The following PRKG1 variants were observed in gnomAD, a reference collection of about 807,000 sequenced individuals.
PRKG1 encodes protein kinase cGMP-dependent 1.
Under a neutral mutation model 88.1 loss-of-function variants are expected in PRKG1, and 35 were observed. That is an observed-to-expected ratio of 0.40 (90% CI 0.30 to 0.53). The LOEUF (loss-of-function observed/expected upper bound fraction) is 0.53, where lower values mean the gene tolerates loss of function less well. Among genes scored for constraint, PRKG1 ranks in the 20% least tolerant of loss-of-function variants. The pLI, the probability that PRKG1 is intolerant of heterozygous loss-of-function variation, is 0.59. For synonymous variants in PRKG1, 303 were observed against 292.5 expected (o/e 1.04, Z -0.37); for missense variants, 540 against 839.8 (o/e 0.64, Z 4.41).
intron 3 of PRKG1, among the ~76,000 whole-genome samples, chr10:51,591,026 A>G (rs945278685): frequency 1.3e-5 from 2 of 152,210 alleles, no homozygotes; most frequent in African/African-American, 2.4e-5. Flanking sequence ...TCAGATGGTA[A>G]ATAGTTTAAC....
intron 2 of PRKG1, among the ~76,000 whole-genome samples, chr10:51,170,543 A>G (rs9414846): frequency 0.065 from 9,935 of 151,734 alleles, 686 homozygotes; most frequent in African/African-American, 0.17. Flanking sequence ...ATGGGGAAGG[A>G]ATTGCTATGT....
In PRKG1 at chr10:51,796,270, T is replaced by A. The variant is rs549419344; in HGVS notation, c.593-8315T>A. Among the ~76,000 whole-genome samples the A allele has an allele frequency of 3.1e-4, 47 of 152,224 alleles. 1 individual carries two copies. The Middle Eastern group carries it at 0.017, about 55-fold the overall frequency. On this transcript the variant is annotated intron_variant, in intron 3 of 17. Transcript: ENST00000373980. ...GTTATATAAGCAATATATATAATTT[T>A]ATATTTTCTGGTGATAACATTAAAA...
intron 5 of PRKG1, among the ~76,000 whole-genome samples, chr10:51,971,535 T>C (rs894295403): frequency 6.6e-6 from 1 of 152,110 alleles, no homozygotes; most frequent in Non-Finnish European, 1.5e-5. Flanking sequence ...TGTCAAAATA[T>C]TTTGAGCACT....
At chr10:51,740,356 G>A (rs1837401167) in intron 3 of PRKG1, among the ~76,000 whole-genome samples, 1 of 152,120 alleles carries the variant, frequency 6.6e-6, no homozygotes, top group African/African-American at 2.4e-5. Flanking sequence ...GTGGGTTATA[G>A]CTATTGCTAT....
At chr10:52,239,891 G>C (rs1464655592) in intron 9 of PRKG1, among the ~76,000 whole-genome samples, 2 of 152,154 alleles carry the variant, frequency 1.3e-5, no homozygotes, top group East Asian at 3.8e-4. Context: ...TCACTCCTGT[G>C]ATTTGTGGGA....
At chr10:52,255,675 A>G (rs1841290565) in intron 10 of PRKG1, among the ~76,000 whole-genome samples, 1 of 152,000 alleles carries the variant, frequency 6.6e-6, no homozygotes, top group Non-Finnish European at 1.5e-5. Flanking sequence ...CATGTAAACT[A>G]ATAAACTCAT....
chr10:52,178,768 GT>G (rs1323132394), intron 9 of PRKG1, among the ~76,000 whole-genome samples: 1 of 151,978 alleles, frequency 6.6e-6, no homozygotes, highest in Non-Finnish European at 1.5e-5. Context: ...TCTGTTTGGA[GT>G]TTATGACTTA....
chr10:51,363,243 C>T (rs1842521802), intron 2 of PRKG1, among the ~76,000 whole-genome samples: 1 of 151,752 alleles, frequency 6.6e-6, no homozygotes, highest in Non-Finnish European at 1.5e-5. Context: ...TCTCGCACTC[C>T]ATCAAAAGTA....
chr10:51,876,225 C>T (rs1434135043), intron 4 of PRKG1, among the ~76,000 whole-genome samples: 1 of 148,648 alleles, frequency 6.7e-6, no homozygotes, highest in East Asian at 1.9e-4. Context: ...ATTTGTGTTA[C>T]ACACACACAC....
chr10:51,878,429 A>G (rs115511464), intron 4 of PRKG1, among the ~76,000 whole-genome samples: 2,951 of 152,294 alleles, frequency 0.019, 80 homozygotes, highest in African/African-American at 0.066. Context: ...GGATAACATC[A>G]GTCTAGAAAG....
At chr10:51,641,159 G>GA (rs1829323974) in intron 3 of PRKG1, among the ~76,000 whole-genome samples, 1 of 152,100 alleles carries the variant, frequency 6.6e-6, no homozygotes, top group South Asian at 2.1e-4. Context: ...AAATTATCCT[G>GA]GGTTAGCATC....
chr10:51,451,605 G>A (rs1839440618), intron 2 of PRKG1, among the ~76,000 whole-genome samples: 2 of 151,972 alleles, frequency 1.3e-5, no homozygotes, highest in South Asian at 2.1e-4. Flanking sequence ...TTAACAGGGG[G>A]ATACTTTATC....
At chr10:51,989,352 T>A (rs1012531736) in intron 5 of PRKG1, among the ~76,000 whole-genome samples, 1 of 151,960 alleles carries the variant, frequency 6.6e-6, no homozygotes, top group African/African-American at 2.4e-5. Flanking sequence ...TCATCAAAGA[T>A]CTATTCATTT....
chr10:51,552,696 A>T (rs966039467), intron 3 of PRKG1, among the ~76,000 whole-genome samples: 3 of 151,680 alleles, frequency 2.0e-5, no homozygotes, highest in African/African-American at 7.2e-5. Flanking sequence ...GCAGTCATCA[A>T]TTAGAAGCTG....
At chr10:52,237,928 G>A (rs1455155972) in intron 9 of PRKG1, among the ~76,000 whole-genome samples, 1 of 138,502 alleles carries the variant, frequency 7.2e-6, no homozygotes, top group East Asian at 2.1e-4. Flanking sequence ...TATACTGCAA[G>A]GCTACAGTAA....
intron 4 of PRKG1, among the ~76,000 whole-genome samples, chr10:51,891,489 G>A (rs1841720562): frequency 6.6e-6 from 1 of 152,018 alleles, no homozygotes; most frequent in Non-Finnish European, 1.5e-5. Flanking sequence ...TTTTATTAAA[G>A]CATTTACTTC....
chr10:51,478,670 A>G (rs2132841065), intron 3 of PRKG1, among the ~76,000 whole-genome samples: 1 of 152,008 alleles, frequency 6.6e-6, no homozygotes, highest in East Asian at 1.9e-4. Context: ...ATTTAAGTGC[A>G]ATTTGTCTCT....
At chr10:51,559,624 T>C (rs1396352033) in intron 3 of PRKG1, among the ~76,000 whole-genome samples, 1 of 152,116 alleles carries the variant, frequency 6.6e-6, no homozygotes, top group Non-Finnish European at 1.5e-5. Context: ...TTTTAATGCA[T>C]GAAATTTTTA....
intron 5 of PRKG1, among the ~76,000 whole-genome samples, chr10:51,978,082 C>T (rs1267384433): frequency 6.6e-6 from 1 of 151,988 alleles, no homozygotes. Context: ...ATGTCGTCTT[C>T]CAGGTTTTTT....
Sources: gnomAD v4.1 joint callset for allele counts (sites outside exome capture counted in the v4.1 genomes callset) on GRCh38, gnomAD v4.1.1 for gene constraint, MANE v1.5 for transcripts, NCBI Gene and HGNC (gene_info 2026-07-23, HGNC 2026-07-21) for gene names.